The following OPN3 variants were observed in gnomAD, a reference collection of about 807,000 sequenced individuals.
The protein encoded by OPN3 is opsin-3.
In OPN3, 29 loss-of-function variants were observed where a neutral mutation model predicts 33.8. The observed-to-expected ratio is 0.86, with a 90% CI of 0.64 to 1.17. The LOEUF is 1.17. Ranked by LOEUF, OPN3 falls within the 50% of genes most tolerant of loss-of-function variation. The pLI is 0.00. For missense variants in OPN3, 437 were observed against 514.1 expected, an observed-to-expected ratio of 0.85 and a Z score of 1.45; for synonymous variants, 216 against 216.1, an observed-to-expected ratio of 1.00 and a Z score of 0.00.
At chr1:241,608,388 A>C (rs1424626262) in intron 1 of OPN3, among the ~76,000 whole-genome samples, 1 of 152,236 alleles carries the variant, frequency 6.6e-6, no homozygotes, top group Non-Finnish European at 1.5e-5. Flanking sequence ...GTGCTAGAAA[A>C]TAAATATAAA....
intron 1 of OPN3, chr1:241,631,361 G>C (rs891598902): frequency 1.3e-5 from 2 of 151,330 alleles, no homozygotes; most frequent in African/African-American, 4.9e-5. Context: ...AAATCTTTTC[G>C]GTAGATCTGG....
rs377486221 is a variant in OPN3, at chr1:241,634,985, T to G, written c.373+4897A>C. On this transcript the variant is annotated intron_variant, in intron 1 of 3. Coordinates refer to ENST00000366554, the MANE Select transcript of OPN3 (RefSeq NM_014322.3). ...CCGAAATGCAAGAATCCTAGTGACATTTTTAAATTCTACATAACGACTAAC... is the reference window on the plus strand; with the variant it reads ...CCGAAATGCAAGAATCCTAGTGACAGTTTTAAATTCTACATAACGACTAAC... 13 of 1,613,672 alleles carry G rather than the reference T, an allele frequency of 8.1e-6. No individual in the cohort carries two copies. Among genetic ancestry groups the G allele is most frequent in the Non-Finnish European group, 1.0e-5 (12 of 1,179,830 alleles).
intron 1 of OPN3, chr1:241,631,214 T>C (rs1271280720): frequency 2.0e-5 from 3 of 152,116 alleles, no homozygotes; most frequent in Non-Finnish European, 2.9e-5. Context: ...TTAAGAAATA[T>C]ATTCATTTTC....
intron 1 of OPN3, among the ~76,000 whole-genome samples, chr1:241,622,013 C>A (rs756182778): frequency 7.9e-5 from 12 of 152,076 alleles, no homozygotes; most frequent in Non-Finnish European, 1.6e-4. Flanking sequence ...GAATTTCTTT[C>A]AATGTTTCAC....
chr1:241,606,734 A>C (rs1663841542), intron 1 of OPN3, among the ~76,000 whole-genome samples: 1 of 152,146 alleles, frequency 6.6e-6, no homozygotes. Context: ...TATTTGTTGA[A>C]TGAGTGGACG....
Position 241,639,939 on chromosome 1 carries a change from C to A in OPN3, c.316G>T (p.Gly106Cys). The change falls in exon 1 of 4, where the codon GGC becomes TGC. Residue 106 changes from glycine to cysteine, a missense_variant. By Grantham distance (159) the Gly-to-Cys change is radical (BLOSUM62 -3). Coordinates refer to ENST00000366554, the MANE Select transcript of OPN3 (RefSeq NM_014322.3). ...CAGCCCACGGTGTCCCACACCCAGC[C>A]GTTCCTCAGGCAGGACACGAAGGTA... ...TFTFVSCLRNGWVWDTVGCVW... is the reference protein window; with the variant it reads ...TFTFVSCLRNCWVWDTVGCVW... 1 of 1,608,186 alleles carries A rather than the reference C, an allele frequency of 6.2e-7. No homozygotes were observed.
chr1:241,594,830 T>C, intron 3 of OPN3, 139 bp from the exon 4 acceptor site: 3 of 862,460 alleles, frequency 3.5e-6, no homozygotes, highest in South Asian at 1.8e-5. Flanking sequence ...TATGTGGTCA[T>C]GCTCAGATCT....
chr1:241,605,058 A>AC (rs1663789710), intron 1 of OPN3, among the ~76,000 whole-genome samples: 1 of 127,278 alleles, frequency 7.9e-6, no homozygotes, highest in Admixed American at 8.2e-5. Context: ...CTTATCTCAA[A>AC]AAAAAAAAAA....
intron 1 of OPN3, chr1:241,629,216 T>C (rs1244651662): frequency 6.6e-6 from 1 of 152,202 alleles, no homozygotes; most frequent in Non-Finnish European, 1.5e-5. Context: ...ATAGCTTTTC[T>C]TTCTTTTAAA....
intron 1 of OPN3, chr1:241,635,285 CT>C (rs748984980): frequency 1.9e-6 from 3 of 1,613,948 alleles, no homozygotes; most frequent in Non-Finnish European, 2.5e-6. Flanking sequence ...CTCTGTATCA[CT>C]TTTCTGAGTG....
chr1:241,626,191 G>T (rs1319534947), intron 1 of OPN3, among the ~76,000 whole-genome samples: 1 of 152,172 alleles, frequency 6.6e-6, no homozygotes, highest in Non-Finnish European at 1.5e-5. Flanking sequence ...GGTCCTAGTG[G>T]TCCTCTGTTC....
intron 1 of OPN3, chr1:241,615,717 T>A: frequency 5.0e-6 from 2 of 401,832 alleles, no homozygotes; most frequent in South Asian, 3.6e-5. Flanking sequence ...TCGTGTGCCA[T>A]CCCAGATCTC....
intron 2 of OPN3, chr1:241,601,082 A>G (rs1663665715): frequency 6.6e-6 from 1 of 152,176 alleles, no homozygotes; most frequent in African/African-American, 2.4e-5. Context: ...AAAGTGTGCT[A>G]AGACAAGAGG....
intron 1 of OPN3, among the ~76,000 whole-genome samples, chr1:241,618,088 A>G (rs1279017874): frequency 2.0e-5 from 3 of 150,396 alleles, no homozygotes; most frequent in Non-Finnish European, 4.4e-5. Flanking sequence ...CAAGACCACA[A>G]AGTAGGTGTT....
chr1:241,626,483 G>A (rs1573963394), intron 1 of OPN3, among the ~76,000 whole-genome samples: 2 of 152,180 alleles, frequency 1.3e-5, no homozygotes, highest in East Asian at 3.9e-4. Context: ...CATTACCAAT[G>A]TTATGTATTT....
At chr1:241,619,461 T>C (rs1047097416) in intron 1 of OPN3, among the ~76,000 whole-genome samples, 1 of 152,228 alleles carries the variant, frequency 6.6e-6, no homozygotes, top group African/African-American at 2.4e-5. Context: ...TATCCCTCTT[T>C]ACCTATCTCC....
chr1:241,631,573 T>C (rs1158451451), intron 1 of OPN3: 1 of 152,174 alleles, frequency 6.6e-6, no homozygotes. Context: ...TACTTAAATC[T>C]GTCTAGTCTC....
chr1:241,631,803 T>C (rs1189915762), intron 1 of OPN3: 2 of 152,150 alleles, frequency 1.3e-5, no homozygotes, highest in Non-Finnish European at 2.9e-5. Flanking sequence ...GCAGGACCAG[T>C]GTGTGCTTTT....
At chr1:241,637,169 T>G (rs1664930113) in intron 1 of OPN3, among the ~76,000 whole-genome samples, 1 of 152,212 alleles carries the variant, frequency 6.6e-6, no homozygotes, top group Non-Finnish European at 1.5e-5. Context: ...GCTCTGGTTT[T>G]CACTACTGTT....
Sources: allele counts gnomAD v4.1 joint callset (sites outside exome capture counted in the v4.1 genomes callset), GRCh38; gene constraint gnomAD v4.1.1; transcripts MANE v1.5; gene names NCBI Gene and HGNC (gene_info 2026-07-23, HGNC 2026-07-21).